CTNNA3: variants seen among roughly 807,000 people sequenced by gnomAD.
The protein encoded by CTNNA3 is catenin alpha-3.
A neutral mutation model predicts 95.7 loss-of-function variants in CTNNA3; 76 were observed. The ratio of observed to expected loss-of-function variants is 0.79; its 90% CI spans 0.66 to 0.96. The LOEUF (loss-of-function observed/expected upper bound fraction) is 0.96. Among genes scored for constraint, CTNNA3 ranks in the 40% least tolerant of loss-of-function variants. The pLI is 0.00. For synonymous variants in CTNNA3, 431 were observed against 374.4 expected (o/e 1.15, Z -1.74); for missense variants, 1,191 against 1,089.8 (o/e 1.09, Z -1.31).
intron 9 of CTNNA3, among the ~76,000 whole-genome samples, chr10:66,660,765 A>G (rs1846235087): frequency 6.6e-6 from 1 of 152,084 alleles, no homozygotes; most frequent in Non-Finnish European, 1.5e-5. Flanking sequence ...TTCCCTATTT[A>G]AAATTGATCT....
intron 7 of CTNNA3, among the ~76,000 whole-genome samples, chr10:66,852,250 A>G (rs1460736090): frequency 1.3e-5 from 2 of 152,168 alleles, no homozygotes; most frequent in Non-Finnish European, 2.9e-5. Flanking sequence ...CTGAAATTCA[A>G]TGGCTGACAT....
chr10:66,263,759 C>G (rs1161260159), intron 13 of CTNNA3, among the ~76,000 whole-genome samples: 3 of 151,980 alleles, frequency 2.0e-5, no homozygotes, highest in Non-Finnish European at 2.9e-5. Flanking sequence ...CTTTAGTCAT[C>G]AATTCCAGGA....
At chr10:66,265,940 A>G (rs1243672417) in intron 13 of CTNNA3, among the ~76,000 whole-genome samples, 1 of 152,040 alleles carries the variant, frequency 6.6e-6, no homozygotes. Flanking sequence ...TAAGTGTTCG[A>G]TAGATTTATT....
chr10:66,160,292 AG>A (rs2084774618), intron 13 of CTNNA3, among the ~76,000 whole-genome samples: 1 of 151,802 alleles, frequency 6.6e-6, no homozygotes, highest in South Asian at 2.1e-4. Flanking sequence ...GTGCTCTTTC[AG>A]TCTTTTTGAT....
At chr10:66,920,490 G>A (rs2394314) in intron 7 of CTNNA3, among the ~76,000 whole-genome samples, 61,555 of 152,064 alleles carry the variant, frequency 0.4, 12,808 homozygotes, top group Non-Finnish European at 0.45. Flanking sequence ...CATATGCAAA[G>A]ATGTTGCCTC....
At position 66,276,955 on chromosome 10, in the gene CTNNA3, A is replaced by G. The variant is rs371845887; in HGVS notation, c.1884+3515T>C. 4.4e-4 allele frequency among the ~76,000 whole-genome samples: 67 copies of G among 152,156 alleles called. No homozygotes were observed. The East Asian group carries it at 0.012, about 28-fold the overall frequency. On this transcript the variant is annotated intron_variant, in intron 13 of 17. Transcript: ENST00000433211. ...AAGATTTGTTTCTTGCTTTAGTTTT[A>G]ACCATTATATTATGCACTCTTAATA...
At chr10:67,054,718 A>G (rs967450354) in intron 7 of CTNNA3, 5 of 152,168 alleles carry the variant, frequency 3.3e-5, no homozygotes, top group African/African-American at 1.2e-4. Context: ...TCTTGTTTCT[A>G]TACAATCGAA....
At chr10:66,830,777 T>C (rs1842691317) in intron 7 of CTNNA3, among the ~76,000 whole-genome samples, 1 of 151,880 alleles carries the variant, frequency 6.6e-6, no homozygotes, top group African/African-American at 2.4e-5. Context: ...GCCCGGCTAA[T>C]TTTTTGTATT....
intron 14 of CTNNA3, among the ~76,000 whole-genome samples, chr10:66,082,916 G>A (rs1278499331): frequency 6.6e-6 from 1 of 151,230 alleles, no homozygotes; most frequent in Non-Finnish European, 1.5e-5. Flanking sequence ...TATTTTCTAA[G>A]CACACTTTTT....
intron 13 of CTNNA3, among the ~76,000 whole-genome samples, chr10:66,157,954 A>G (rs776439498): frequency 6.6e-6 from 1 of 151,982 alleles, no homozygotes. Context: ...GGCCATTTGT[A>G]TATCTTCTTT....
intron 9 of CTNNA3, among the ~76,000 whole-genome samples, chr10:66,685,162 TATATATATATATACAC>T (rs1409552267): frequency 1.8e-5 from 2 of 112,312 alleles, no homozygotes; most frequent in African/African-American, 7.5e-5. Flanking sequence ...TATATACACG[TATATATATATATACAC>T]ATATATATAT....
intron 12 of CTNNA3, among the ~76,000 whole-genome samples, chr10:66,296,621 A>T (rs961741066): frequency 1.3e-5 from 2 of 151,900 alleles, no homozygotes; most frequent in Non-Finnish European, 2.9e-5. Flanking sequence ...CTATACACAC[A>T]CACACACGCA....
At chr10:67,694,525 A>G (rs1185162716) in intron 1 of CTNNA3, among the ~76,000 whole-genome samples, 1 of 152,180 alleles carries the variant, frequency 6.6e-6, no homozygotes, top group Non-Finnish European at 1.5e-5. Flanking sequence ...TACAACATAC[A>G]TATACACATA....
chr10:66,061,986 T>G (rs1291765000), intron 15 of CTNNA3, among the ~76,000 whole-genome samples: 1 of 152,128 alleles, frequency 6.6e-6, no homozygotes, highest in Non-Finnish European at 1.5e-5. Context: ...GGGTAAAGTC[T>G]TGTTGTACAA....
At chr10:67,519,334 T>C (rs1206637914) in intron 5 of CTNNA3, among the ~76,000 whole-genome samples, 1 of 152,114 alleles carries the variant, frequency 6.6e-6, no homozygotes, top group African/African-American at 2.4e-5. Context: ...TCATTGGACA[T>C]CCATAATTCA....
chr10:66,223,712 T>C (rs965496383), intron 13 of CTNNA3, among the ~76,000 whole-genome samples: 2 of 152,202 alleles, frequency 1.3e-5, no homozygotes, highest in Non-Finnish European at 2.9e-5. Flanking sequence ...TAATATTTAG[T>C]GGTATGACCA....
At chr10:66,503,891 C>T (rs935229859) in intron 11 of CTNNA3, among the ~76,000 whole-genome samples, 2 of 152,034 alleles carry the variant, frequency 1.3e-5, no homozygotes, top group African/African-American at 4.8e-5. Flanking sequence ...TTTGTAAGAA[C>T]ATAATTCTTT....
At chr10:67,248,397 G>GT (rs1432341158) in intron 5 of CTNNA3, among the ~76,000 whole-genome samples, 2 of 152,114 alleles carry the variant, frequency 1.3e-5, no homozygotes, top group Admixed American at 6.5e-5. Context: ...CTTTTTTCGT[G>GT]TTTTTTGTTT....
intron 5 of CTNNA3, among the ~76,000 whole-genome samples, chr10:67,336,019 T>C (rs1841982976): frequency 6.6e-6 from 1 of 152,162 alleles, no homozygotes; most frequent in Non-Finnish European, 1.5e-5. Context: ...ACTTCTTCAT[T>C]ATTATTATAT....
Sources: gnomAD v4.1 joint callset for allele counts (sites outside exome capture counted in the v4.1 genomes callset) on GRCh38, gnomAD v4.1.1 for gene constraint, MANE v1.5 for transcripts, NCBI Gene and HGNC (gene_info 2026-07-23, HGNC 2026-07-21) for gene names.